The following PAPOLG variants were observed in gnomAD, a reference collection of about 807,000 sequenced individuals.
PAPOLG encodes PAP-gamma.
In PAPOLG, 40 loss-of-function variants were observed where a neutral mutation model predicts 99.0. That is an observed-to-expected ratio of 0.40 (90% confidence interval 0.31 to 0.53). The LOEUF (loss-of-function observed/expected upper bound fraction) is 0.53, where lower values mean the gene tolerates loss of function less well. PAPOLG is among the 20% of genes least tolerant of loss of function. The probability of loss-of-function intolerance (pLI) is 0.41; values close to 1 mark genes in which losing one functional copy is unlikely to be tolerated. For missense variants in PAPOLG, 675 were observed against 884.1 expected, an observed-to-expected ratio of 0.76 and a Z score of 3.00; for synonymous variants, 310 against 299.3, an observed-to-expected ratio of 1.04 and a Z score of -0.37.
chr2:60,773,965 A>C (rs1293274482), intron 7 of PAPOLG, among the ~76,000 whole-genome samples: 4 of 152,232 alleles, frequency 2.6e-5, no homozygotes, highest in African/African-American at 9.6e-5. Flanking sequence ...CCTTGAAAAA[A>C]GCAGGTAGTT....
At chr2:60,770,561 T>C in intron 6 of PAPOLG, 50 bp downstream of exon 6, 1 of 1,225,310 alleles carries the variant, frequency 8.2e-7, no homozygotes, top group Non-Finnish European at 1.1e-6. Flanking sequence ...TTTAAACTTG[T>C]AAGTTTGTTT....
rs1266096232 is a variant in PAPOLG at position 60,760,266 on chromosome 2, G to T, written c.150G>T (p.Val50=). 2 of 1,613,596 alleles carry T rather than the reference G, an allele frequency of 1.2e-6. No homozygotes were observed. Among genetic ancestry groups the T allele is most frequent in the Non-Finnish European group, 1.7e-6 (2 of 1,179,792 alleles). The change falls in exon 2 of 22, where the codon GTG becomes GTT. Residue 50 remains valine, a synonymous_variant. Transcript: ENST00000238714. ...KLIDAMKPFG[V]FEDEEELNHR... Reference sequence around the variant, plus strand: ...TTGACGCCATGAAACCATTTGGAGTGTTTGAAGATGAGGAAGAATTGAACC... The same window carrying T: ...TTGACGCCATGAAACCATTTGGAGTTTTTGAAGATGAGGAAGAATTGAACC...
At chr2:60,766,016 AATATTCATT>A (rs1670665799) in intron 3 of PAPOLG, among the ~76,000 whole-genome samples, 1 of 152,182 alleles carries the variant, frequency 6.6e-6, no homozygotes, top group East Asian at 1.9e-4. Flanking sequence ...TCTTAACCTT[AATATTCATT>A]ACACAGAAGC....
Position 60,793,953 on chromosome 2 carries a change from C to T in PAPOLG, c.1769-18C>T, listed in dbSNP as rs770600492. 1 of 1,591,796 alleles carries T rather than the reference C, an allele frequency of 6.3e-7. No individual in the cohort carries two copies. The highest frequency in any genetic ancestry group is 1.1e-5 in the South Asian group (1 of 87,984). On this transcript the variant is annotated intron_variant, in intron 18 of 21. Coordinates refer to ENST00000238714, the MANE Select transcript of PAPOLG (RefSeq NM_022894.4). ...TACATAAATGTTTAATTATTAAAAT[C>T]CTTTTTTTCCTTTTCAGAAGTTGAC... is the stretch of plus-strand genomic sequence containing the variant.
chr2:60,757,518 C>T (rs1465574207), intron 1 of PAPOLG, among the ~76,000 whole-genome samples: 1 of 152,118 alleles, frequency 6.6e-6, no homozygotes, highest in Non-Finnish European at 1.5e-5. Flanking sequence ...TGTTTTTAAA[C>T]TTTATATAAC....
At chr2:60,761,948 A>AC in intron 3 of PAPOLG, 141 bp downstream of exon 3, 1 of 675,210 alleles carries the variant, frequency 1.5e-6, no homozygotes, top group South Asian at 2.0e-5. Context: ...ATTGGTCTAG[A>AC]CAGTTGAATT....
chr2:60,780,986 A>G (rs1191916365), intron 10 of PAPOLG, among the ~76,000 whole-genome samples: 1 of 152,178 alleles, frequency 6.6e-6, no homozygotes. Context: ...TATGTCATTA[A>G]AAATCGCCCA....
At position 60,760,164 on chromosome 2, in the gene PAPOLG, A is replaced by G; in HGVS notation, c.48A>G (p.Gln16=). ...ANTVLDSQRQ[Q]KHYGITSPIS... ...CCGTGCTGGACAGCCAGCGTCAACA[A>G]AAGCATTATGGAATTACCTCCCCAA... is the stretch of plus-strand genomic sequence containing the variant. Residue 16 remains glutamine (Q), a synonymous_variant, in exon 2 of 22, where the codon CAA becomes CAG. Coordinates refer to ENST00000238714, the MANE Select transcript of PAPOLG (RefSeq NM_022894.4). The G allele has an allele frequency of 1.2e-6, 2 of 1,614,080 alleles. No homozygotes were observed. Among genetic ancestry groups the G allele is most frequent in the East Asian group, 2.2e-5 (1 of 44,872 alleles).
intron 8 of PAPOLG, among the ~76,000 whole-genome samples, chr2:60,777,236 A>C (rs1473771649): frequency 6.6e-6 from 1 of 152,138 alleles, no homozygotes; most frequent in African/African-American, 2.4e-5. Context: ...CGAGCGGATC[A>C]TGAGGTCAGG....
chr2:60,771,331 G>C (rs1470217055), intron 6 of PAPOLG, among the ~76,000 whole-genome samples, 188 bp from the exon 7 acceptor site: 1 of 152,078 alleles, frequency 6.6e-6, no homozygotes, highest in African/African-American at 2.4e-5. Flanking sequence ...TTAATTGAAA[G>C]TTTAATTACC....
Position 60,768,259 on chromosome 2 carries a change from G to T in PAPOLG, c.247-211G>T, listed in dbSNP as rs113580927. On this transcript the variant is annotated intron_variant, in intron 3 of 21. Transcript: ENST00000238714. ...TGGGATTACAGGTGGCCACCACCAC[G>T]CCCAGCTAACTTTTGTATTCCTAGT... Among the ~76,000 whole-genome samples, 313 of 152,226 alleles carry T rather than the reference G, an allele frequency of 2.1e-3. 1 individual carries two copies. The highest frequency in any genetic ancestry group is 7.1e-3 in the African/African-American group (296 of 41,540).
Position 60,781,987 on chromosome 2 carries a change from G to A in PAPOLG, c.1009G>A (p.Val337Ile), listed in dbSNP as rs535988036. The A allele has an allele frequency of 1.2e-6, 2 of 1,613,906 alleles. No homozygotes were observed. Among genetic ancestry groups the A allele is most frequent in the Non-Finnish European group, 1.7e-6 (2 of 1,179,882 alleles). ...NVSTSTRTVM[V>I]EEFKQGLAVT... ...GTCCACATCAACTCGAACAGTAATG[G>A]TAGAAGAATTTAAACAAGGTAAACA... is the stretch of plus-strand genomic sequence containing the variant. The change falls in exon 11 of 22, where the codon GTA becomes ATA. Residue 337 changes from valine to isoleucine, a missense_variant. Physicochemically the swap from Val to Ile is conservative, Grantham distance 29. Coordinates refer to ENST00000238714, the MANE Select transcript of PAPOLG (RefSeq NM_022894.4).
At chr2:60,788,803 C>A (rs1671443344) in intron 15 of PAPOLG, among the ~76,000 whole-genome samples, 1 of 151,916 alleles carries the variant, frequency 6.6e-6, no homozygotes, top group Non-Finnish European at 1.5e-5. Context: ...TGAGACCAGC[C>A]TGGGCAACAT....
intron 3 of PAPOLG, among the ~76,000 whole-genome samples, chr2:60,764,205 T>C: frequency 6.6e-6 from 1 of 152,212 alleles, no homozygotes; most frequent in Admixed American, 6.5e-5. Flanking sequence ...GTGATACCAT[T>C]TGCCTCATCA....
chr2:60,782,603 T>G, intron 11 of PAPOLG, 83 bp from the exon 12 acceptor site: 1 of 1,349,666 alleles, frequency 7.4e-7, no homozygotes, highest in African/African-American at 1.6e-5. Flanking sequence ...TGAGATTTTG[T>G]AGTAGTAGAG....
chr2:60,775,787 C>T (rs1233604628), intron 8 of PAPOLG, among the ~76,000 whole-genome samples: 2 of 148,790 alleles, frequency 1.3e-5, no homozygotes, highest in Admixed American at 6.7e-5. Flanking sequence ...TTTTTTGAGA[C>T]GGAGTCTTGC....
At chr2:60,791,624 T>C (rs1031953022) in intron 15 of PAPOLG, 137 bp from the exon 16 acceptor site, 6 of 947,834 alleles carry the variant, frequency 6.3e-6, no homozygotes. Context: ...ATATTTGTTT[T>C]GTGAGAGGGT....
At chr2:60,796,913 G>T in intron 21 of PAPOLG, 149 bp from the exon 22 acceptor site, 3 of 957,448 alleles carry the variant, frequency 3.1e-6, no homozygotes, top group South Asian at 3.8e-5. Flanking sequence ...TATGAACACG[G>T]AAGGAAATAT....
At chr2:60,795,446 G>T in intron 21 of PAPOLG, 1 of 245,980 alleles carries the variant, frequency 4.1e-6, no homozygotes, top group Admixed American at 5.3e-5. Flanking sequence ...TATATAGTAA[G>T]TACCTTTAAA....
Sources: allele counts gnomAD v4.1 joint callset (sites outside exome capture counted in the v4.1 genomes callset), GRCh38; gene constraint gnomAD v4.1.1; transcripts MANE v1.5; gene names NCBI Gene and HGNC (gene_info 2026-07-23, HGNC 2026-07-21).